The following FRMD4B variants were observed in gnomAD, a reference collection of about 807,000 sequenced individuals.
FRMD4B encodes FERM domain-containing protein 4B.
FRMD4B carries 74 observed loss-of-function variants against 141.5 expected under a neutral mutation model. That is an observed-to-expected ratio of 0.52 (90% CI 0.43 to 0.63). The LOEUF is 0.63. Among genes scored for constraint, FRMD4B ranks in the 30% least tolerant of loss-of-function variants. The pLI is 0.00. For synonymous variants in FRMD4B, 506 were observed against 467.9 expected (o/e 1.08, Z -1.05); for missense variants, 1,366 against 1,253.4 (o/e 1.09, Z -1.36).
intron 10 of FRMD4B, 78 bp from the exon 11 acceptor site, chr3:69,216,427 C>CTAT: frequency 3.3e-6 from 2 of 607,966 alleles, no homozygotes; most frequent in East Asian, 3.2e-5. Flanking sequence ...CCAATTTCAC[C>CTAT]TCTTTTTTTT....
chr3:69,506,389 T>C (rs1706596639), intron 1 of FRMD4B, among the ~76,000 whole-genome samples: 1 of 151,440 alleles, frequency 6.6e-6, no homozygotes, highest in African/African-American at 2.4e-5. Flanking sequence ...ATTCTAAGGA[T>C]GAGAAAGTGG....
At chr3:69,267,467 T>C (rs2106903240) in intron 5 of FRMD4B, among the ~76,000 whole-genome samples, 1 of 152,038 alleles carries the variant, frequency 6.6e-6, no homozygotes, top group African/African-American at 2.4e-5. Flanking sequence ...TGGTTATTAA[T>C]TTCATAAAAC....
chr3:69,272,617 T>C (rs2093599818), intron 5 of FRMD4B, among the ~76,000 whole-genome samples: 1 of 152,250 alleles, frequency 6.6e-6, no homozygotes, highest in South Asian at 2.1e-4. Context: ...GCAAACACTC[T>C]GAAATCCCAA....
chr3:69,488,891 TAAAAA>T (rs35778230), intron 1 of FRMD4B, among the ~76,000 whole-genome samples: 4 of 82,214 alleles, frequency 4.9e-5, no homozygotes, highest in Middle Eastern at 7.0e-3. Context: ...AGACTCCATC[TAAAAA>T]AAAAAAAAAA....
intron 10 of FRMD4B, among the ~76,000 whole-genome samples, chr3:69,217,836 C>T (rs977023273): frequency 2.6e-5 from 4 of 152,126 alleles, no homozygotes; most frequent in Non-Finnish European, 4.4e-5. Flanking sequence ...CAAAATATGT[C>T]AATCTCTCCC....
Position 69,406,911 on chromosome 3 carries a change from AT to A in FRMD4B, c.-1+25722del, listed in dbSNP as rs67956877. ...CACACCCAGTTAATTTTTAATTTTA[AT>A]TTTTTTTTTTTTTTTGTAGAGACAG... On this transcript the variant is annotated intron_variant, in intron 2 of 5. Coordinates refer to the FRMD4B transcript ENST00000459638. 8.5e-3 allele frequency among the ~76,000 whole-genome samples: 1,144 copies of A among 135,152 alleles called. 16 individuals are homozygous for A. Among genetic ancestry groups the A allele is most frequent in the African/African-American group, 0.029 (1,055 of 35,842 alleles). The allele number at this position is 135,152 out of a possible 152,430, so 88.7% of individuals were successfully genotyped here. A position where few individuals can be genotyped will look rare whatever the true frequency, so the allele number is the denominator to read the frequency against.
chr3:69,396,794 G>T (rs774725332), intron 2 of FRMD4B, among the ~76,000 whole-genome samples: 1 of 152,162 alleles, frequency 6.6e-6, no homozygotes, highest in African/African-American at 2.4e-5. Context: ...GTTAAAAATA[G>T]AATTACCACG....
chr3:69,325,293 T>C (rs1349251260), intron 1 of FRMD4B, among the ~76,000 whole-genome samples: 1 of 152,180 alleles, frequency 6.6e-6, no homozygotes, highest in Non-Finnish European at 1.5e-5. Flanking sequence ...GGCCAGTCAA[T>C]GGACGGCCAT....
intron 5 of FRMD4B, among the ~76,000 whole-genome samples, chr3:69,255,165 T>A (rs1217471028): frequency 6.6e-6 from 1 of 152,184 alleles, no homozygotes; most frequent in Non-Finnish European, 1.5e-5. Flanking sequence ...ATATATGGGA[T>A]GTCCTTGATT....
chr3:69,328,281 G>A (rs1342277909), intron 1 of FRMD4B, among the ~76,000 whole-genome samples: 1 of 152,196 alleles, frequency 6.6e-6, no homozygotes, highest in African/African-American at 2.4e-5. Context: ...CTTTGCTCTT[G>A]TGGTTATTGA....
intron 1 of FRMD4B, among the ~76,000 whole-genome samples, chr3:69,459,719 T>C (rs994691685): frequency 2.0e-5 from 3 of 152,204 alleles, no homozygotes; most frequent in Admixed American, 2.0e-4. Context: ...ATTAATAGCA[T>C]GTACCTCCAC....
At chr3:69,353,441 A>G (rs1318353442) in intron 1 of FRMD4B, 2 of 311,880 alleles carry the variant, frequency 6.4e-6, no homozygotes, top group African/African-American at 4.5e-5. Context: ...CCAGTACAAT[A>G]TTAAAATCTG....
At chr3:69,299,999 C>A (rs1701161922) in intron 4 of FRMD4B, among the ~76,000 whole-genome samples, 1 of 152,122 alleles carries the variant, frequency 6.6e-6, no homozygotes, top group Non-Finnish European at 1.5e-5. Flanking sequence ...GCTCTCTATT[C>A]TTCAGTCAAA....
intron 7 of FRMD4B, among the ~76,000 whole-genome samples, chr3:69,229,011 T>G (rs2093280290): frequency 7.8e-6 from 1 of 127,404 alleles, no homozygotes; most frequent in African/African-American, 2.8e-5. Flanking sequence ...TCCCTCAAAA[T>G]CATGTTTTTT....
intron 1 of FRMD4B, among the ~76,000 whole-genome samples, chr3:69,484,687 G>C (rs1489146934): frequency 1.3e-5 from 2 of 151,898 alleles, no homozygotes; most frequent in Admixed American, 1.3e-4. Flanking sequence ...AGAGAGGATA[G>C]CTCCTCTCTG....
At chr3:69,536,357 TGAGGGGCCTGGC>T in intron 1 of FRMD4B, 1 of 685,440 alleles carries the variant, frequency 1.5e-6, no homozygotes, top group Non-Finnish European at 2.6e-6. Context: ...GCTTCGGAGT[TGAGGGGCCTGGC>T]GAGGAGGCTG....
rs115284689 is a variant in FRMD4B at position 69,199,595 on chromosome 3, A to T, written c.877-821T>A. On this transcript the variant is annotated intron_variant, in intron 11 of 22. Transcript: ENST00000398540. ...GTTCCCCTAAATGCCACAGAAACCT[A>T]GCACCAGTAATTGGGGGCAGAGAAG... Among the ~76,000 whole-genome samples the T allele has an allele frequency of 8.5e-3, 1,296 of 152,316 alleles. 19 individuals are homozygous for T. The highest frequency in any genetic ancestry group is 0.03 in the African/African-American group (1,235 of 41,572).
intron 17 of FRMD4B, 114 bp downstream of exon 17, chr3:69,193,534 G>C (rs1429696982): frequency 3.1e-6 from 2 of 640,468 alleles, no homozygotes; most frequent in East Asian, 2.7e-5. Flanking sequence ...ACTTAGTTTT[G>C]ATCACCTGGT....
intron 1 of FRMD4B, among the ~76,000 whole-genome samples, chr3:69,330,704 C>T (rs777234357): frequency 6.6e-5 from 10 of 151,750 alleles, no homozygotes; most frequent in African/African-American, 1.7e-4. Context: ...ACTATGTTGC[C>T]CAGGCTGGTT....
Sources: gnomAD v4.1 joint callset for allele counts (sites outside exome capture counted in the v4.1 genomes callset) on GRCh38, gnomAD v4.1.1 for gene constraint, MANE v1.5 for transcripts, NCBI Gene and HGNC (gene_info 2026-07-23, HGNC 2026-07-21) for gene names.